XKR9: variants seen among roughly 807,000 people sequenced by gnomAD.
XKR9 encodes the protein XK related 9.
Under a neutral mutation model 32.0 loss-of-function variants are expected in XKR9, and 32 were observed. The ratio of observed to expected loss-of-function variants is 1.00; its 90% CI spans 0.76 to 1.34. XKR9 has a LOEUF of 1.34. XKR9 is among the 40% of genes most tolerant of loss of function. The pLI, the probability that XKR9 is intolerant of heterozygous loss-of-function variation, is 0.00. For synonymous variants in XKR9, 168 were observed against 143.4 expected, an observed-to-expected ratio of 1.17 and a Z score of -1.22; for missense variants, 546 against 429.7, an observed-to-expected ratio of 1.27 and a Z score of -2.39.
chr8:70,898,343 T>G, the XKR9 span, among the ~76,000 whole-genome samples: 81,701 of 151,954 alleles, frequency 0.54, 22,922 homozygotes, highest in Middle Eastern at 0.62. Flanking sequence ...TTTGAAGTTA[T>G]GTATTGTGAT....
chr8:70,998,276 C>T, the XKR9 span, among the ~76,000 whole-genome samples: 1 of 152,182 alleles, frequency 6.6e-6, no homozygotes, highest in African/African-American at 2.4e-5. Flanking sequence ...CTAATTACTT[C>T]ATGAAGCATG....
At chr8:70,858,522 T>C in the XKR9 span, among the ~76,000 whole-genome samples, 3 of 152,036 alleles carry the variant, frequency 2.0e-5, no homozygotes, top group Non-Finnish European at 4.4e-5. Flanking sequence ...AAAATTGATA[T>C]GTAACCACAA....
the XKR9 span, among the ~76,000 whole-genome samples, chr8:70,924,727 C>A: frequency 6.6e-6 from 1 of 152,312 alleles, no homozygotes; most frequent in East Asian, 1.9e-4. Context: ...TCATTAAACT[C>A]ACAAAAGTTT....
At chr8:70,736,268 T>C (rs1586875149), downstream of XKR9, among the ~76,000 whole-genome samples, 4 of 152,300 alleles carry the variant, frequency 2.6e-5, no homozygotes, top group African/African-American at 9.6e-5. Context: ...AATGTCTTCT[T>C]TTGAGAAGTG....
At chr8:70,907,465 T>C in the XKR9 span, among the ~76,000 whole-genome samples, 540 of 152,346 alleles carry the variant, frequency 3.5e-3, 2 homozygotes, top group Non-Finnish European at 6.5e-3. Context: ...TTTTTATACC[T>C]TGCTGTATTC....
chr8:70,793,232 T>C (rs371337671), downstream of XKR9, among the ~76,000 whole-genome samples: 4 of 152,192 alleles, frequency 2.6e-5, no homozygotes, highest in African/African-American at 9.6e-5. Context: ...TTTGGGTGTT[T>C]GTACCCTCCA....
intron 2 of XKR9, among the ~76,000 whole-genome samples, chr8:70,743,630 T>C (rs1807018364): frequency 6.6e-6 from 1 of 152,200 alleles, no homozygotes; most frequent in Admixed American, 6.5e-5. Context: ...CTTCCCCTTA[T>C]ATGCATAGTT....
chr8:70,828,624 G>A, the XKR9 span, among the ~76,000 whole-genome samples: 2 of 151,856 alleles, frequency 1.3e-5, no homozygotes, highest in Admixed American at 1.3e-4. Context: ...TAGAGAGGCT[G>A]AGGCAGGAGA....
downstream of XKR9, among the ~76,000 whole-genome samples, chr8:70,793,795 A>T (rs1807794886): frequency 6.6e-6 from 1 of 151,856 alleles, no homozygotes; most frequent in African/African-American, 2.4e-5. Flanking sequence ...TGAGTTCTCT[A>T]ACTTTGTCCC....
chr8:70,799,835 T>C, the XKR9 span, among the ~76,000 whole-genome samples: 7 of 152,208 alleles, frequency 4.6e-5, no homozygotes, highest in Admixed American at 4.6e-4. Flanking sequence ...CCTCTCTTTC[T>C]ATTTGAATGC....
At chr8:70,935,101 G>GTGTA in the XKR9 span, among the ~76,000 whole-genome samples, 6 of 139,022 alleles carry the variant, frequency 4.3e-5, no homozygotes, top group African/African-American at 1.4e-4. Context: ...TGTTTCTTCA[G>GTGTA]TATATATATA....
chr8:71,050,300 TATAG>T, the XKR9 span, among the ~76,000 whole-genome samples: 14 of 142,520 alleles, frequency 9.8e-5, no homozygotes, highest in East Asian at 2.0e-4. Flanking sequence ...TAGATATATA[TATAG>T]ATATAGATAT....
the XKR9 span, among the ~76,000 whole-genome samples, chr8:70,865,129 G>A: frequency 1.3e-5 from 2 of 152,170 alleles, no homozygotes; most frequent in East Asian, 1.9e-4. Context: ...GGAAAGGGGG[G>A]TTGAATGCTT....
the XKR9 span, among the ~76,000 whole-genome samples, chr8:70,927,950 C>T: frequency 1.4e-4 from 21 of 152,252 alleles, no homozygotes; most frequent in South Asian, 4.2e-4. Flanking sequence ...GGTTCTTCCC[C>T]GCATCTCTTT....
At chr8:70,740,505 TG>T (rs1453436842), downstream of XKR9, among the ~76,000 whole-genome samples, 3 of 152,240 alleles carry the variant, frequency 2.0e-5, no homozygotes, top group African/African-American at 4.8e-5. Flanking sequence ...GTTCTGTTGC[TG>T]GTGAGGAACT....
At chr8:70,890,639 T>C in the XKR9 span, among the ~76,000 whole-genome samples, 1 of 151,992 alleles carries the variant, frequency 6.6e-6, no homozygotes, top group Non-Finnish European at 1.5e-5. Flanking sequence ...AGCCTTGTGT[T>C]CCTGGGATAA....
the XKR9 span, among the ~76,000 whole-genome samples, chr8:70,920,570 A>G: frequency 6.6e-6 from 1 of 152,188 alleles, no homozygotes; most frequent in Non-Finnish European, 1.5e-5. Flanking sequence ...GGCATTTTAT[A>G]CATCATAAGA....
the XKR9 span, among the ~76,000 whole-genome samples, chr8:70,847,592 A>T: frequency 6.6e-6 from 1 of 151,996 alleles, no homozygotes; most frequent in African/African-American, 2.4e-5. Context: ...CTAATAAGAA[A>T]AAAAGAGAAA....
At chr8:70,899,643 C>T in the XKR9 span, among the ~76,000 whole-genome samples, 1 of 152,010 alleles carries the variant, frequency 6.6e-6, no homozygotes, top group African/African-American at 2.4e-5. Context: ...TTAATTATGT[C>T]CAGAGTTCTT....
Sources: gnomAD v4.1 joint callset for allele counts (sites outside exome capture counted in the v4.1 genomes callset) on GRCh38, gnomAD v4.1.1 for gene constraint, MANE v1.5 for transcripts, NCBI Gene and HGNC (gene_info 2026-07-23, HGNC 2026-07-21) for gene names.